NCAM1: variants seen among roughly 807,000 people sequenced by gnomAD.
NCAM1 encodes the protein antigen recognized by monoclonal antibody 5.1H11.
A neutral mutation model predicts 109.8 loss-of-function variants in NCAM1; 14 were observed. That is an observed-to-expected ratio of 0.13 (90% confidence interval 0.08 to 0.20). The LOEUF (loss-of-function observed/expected upper bound fraction) is 0.20, where lower values mean the gene tolerates loss of function less well. Ranked by LOEUF, NCAM1 falls within the 10% of genes least tolerant of loss-of-function variation. The pLI is 1.00. For missense variants in NCAM1, 774 were observed against 1,109.9 expected, an observed-to-expected ratio of 0.70 and a Z score of 4.30; for synonymous variants, 418 against 442.9, an observed-to-expected ratio of 0.94 and a Z score of 0.70.
chr11:113,023,659 T>G (rs1306653224), intron 1 of NCAM1, among the ~76,000 whole-genome samples: 1 of 152,226 alleles, frequency 6.6e-6, no homozygotes, highest in African/African-American at 2.4e-5. Flanking sequence ...TGTGTTTGTG[T>G]TTGTGTATCT....
intron 1 of NCAM1, among the ~76,000 whole-genome samples, chr11:113,175,264 A>G (rs1222372367): frequency 7.2e-5 from 11 of 152,244 alleles, no homozygotes; most frequent in African/African-American, 2.7e-4. Flanking sequence ...GAATGACAGC[A>G]CCACAATAAC....
intron 1 of NCAM1, among the ~76,000 whole-genome samples, chr11:113,013,204 A>T (rs1952115509): frequency 6.6e-6 from 1 of 151,936 alleles, no homozygotes; most frequent in African/African-American, 2.4e-5. Context: ...AGGCGGGTGG[A>T]TCACCTGAGG....
chr11:113,123,557 G>A (rs1222850329), intron 1 of NCAM1, among the ~76,000 whole-genome samples: 1 of 152,170 alleles, frequency 6.6e-6, no homozygotes, highest in Non-Finnish European at 1.5e-5. Context: ...GACCATGGCT[G>A]CCATCCTCTC....
intron 17 of NCAM1, among the ~76,000 whole-genome samples, chr11:113,261,580 G>A (rs1392875078): frequency 6.6e-6 from 1 of 152,144 alleles, no homozygotes; most frequent in African/African-American, 2.4e-5. Flanking sequence ...AAGGCTGCAG[G>A]AAATGTCCTC....
At chr11:113,001,140 C>T (rs539868433) in intron 1 of NCAM1, among the ~76,000 whole-genome samples, 16 of 152,176 alleles carry the variant, frequency 1.1e-4, no homozygotes, top group African/African-American at 2.9e-4. Context: ...TTTGGTATAG[C>T]AGGGTGATGA....
intron 1 of NCAM1, among the ~76,000 whole-genome samples, chr11:113,127,967 C>T (rs1044487863): frequency 2.0e-5 from 3 of 152,132 alleles, no homozygotes; most frequent in African/African-American, 7.2e-5. Context: ...TCACATGGGG[C>T]GTGGCTGAGT....
chr11:113,043,376 T>C (rs562515359), intron 1 of NCAM1, among the ~76,000 whole-genome samples: 1 of 152,310 alleles, frequency 6.6e-6, no homozygotes, highest in Non-Finnish European at 1.5e-5. Flanking sequence ...TCACTCTTGT[T>C]GCCCAGGCTG....
chr11:113,271,725 G>GC, intron 18 of NCAM1, 35 bp from the exon 19 acceptor site: 2 of 1,510,494 alleles, frequency 1.3e-6, no homozygotes, highest in Non-Finnish European at 1.8e-6. Flanking sequence ...CCCTGCAGCT[G>GC]CCCTAGGGTC....
intron 1 of NCAM1, among the ~76,000 whole-genome samples, chr11:113,191,218 C>T (rs1943664542): frequency 6.6e-6 from 1 of 152,064 alleles, no homozygotes; most frequent in African/African-American, 2.4e-5. Flanking sequence ...GAGGCTGGAC[C>T]CACTGGTGGT....
Position 113,233,181 on chromosome 11 carries a change from G to A in NCAM1, c.1557G>A (p.Glu519=), listed in dbSNP as rs1565517559. Residue 519 remains glutamate (E), a synonymous_variant, in exon 13 of 20, where the codon GAG becomes GAA. Transcript: ENST00000316851. This position sits in a 1 kb window ranked among gnomAD's most constrained non-coding sequence, Gnocchi z 4.5. The stretch of plus-strand genomic sequence containing the variant: ...CTTCACCATCCATCGACCAGGTGGA[G>A]CCATACTCCAGCACAGCCCAGGTGC... The part of the protein sequence containing the change: ...TPSSPSIDQV[E]PYSSTAQVQF... 1 of 1,613,738 alleles carries A rather than the reference G, an allele frequency of 6.2e-7. No homozygotes were observed. Among genetic ancestry groups the A allele is most frequent in the Non-Finnish European group, 8.5e-7 (1 of 1,179,890 alleles).
intron 1 of NCAM1, among the ~76,000 whole-genome samples, chr11:113,129,362 C>T (rs574516627): frequency 5.3e-5 from 8 of 152,122 alleles, no homozygotes; most frequent in African/African-American, 9.7e-5. Flanking sequence ...TCTGTGCATG[C>T]GGAGCTGGAG....
At chr11:113,021,106 G>T (rs1287212844) in intron 1 of NCAM1, among the ~76,000 whole-genome samples, 1 of 152,306 alleles carries the variant, frequency 6.6e-6, no homozygotes, top group Middle Eastern at 3.4e-3. Context: ...CTGCTAACTT[G>T]TAGGGTAAGA....
intron 1 of NCAM1, among the ~76,000 whole-genome samples, chr11:113,068,268 G>A (rs1938073302): frequency 6.6e-6 from 1 of 152,152 alleles, no homozygotes; most frequent in Non-Finnish European, 1.5e-5. Flanking sequence ...AGTACAACAA[G>A]AGGTTAAGAA....
At position 113,090,227 on chromosome 11, in the gene NCAM1, A is replaced by G. The variant is rs1033534510; in HGVS notation, c.53-112152A>G. 7.9e-5 allele frequency among the ~76,000 whole-genome samples: 12 copies of G among 152,118 alleles called. 1 individual carries two copies. Among genetic ancestry groups the G allele is most frequent in the African/African-American group, 2.9e-4 (12 of 41,422 alleles). On this transcript the variant is annotated intron_variant, in intron 1 of 19. Transcript: ENST00000316851. ...AGTTTGAAGTCTCTGACAGGAAAAA[A>G]CTGTTGGTTGTTTGTTTCAGGTAAC...
intron 1 of NCAM1, among the ~76,000 whole-genome samples, chr11:113,185,593 C>T (rs1283654181): frequency 6.6e-6 from 1 of 152,118 alleles, no homozygotes; most frequent in Non-Finnish European, 1.5e-5. Flanking sequence ...CAGGGACAAA[C>T]GTGAAAACAA....
At chr11:113,107,958 G>T (rs1405648006) in intron 1 of NCAM1, among the ~76,000 whole-genome samples, 3 of 152,106 alleles carry the variant, frequency 2.0e-5, no homozygotes, top group African/African-American at 7.2e-5. Flanking sequence ...TAACTCCTAG[G>T]TCAAGTTAGA....
chr11:113,163,425 T>A (rs1329383614), intron 1 of NCAM1, among the ~76,000 whole-genome samples: 2 of 152,238 alleles, frequency 1.3e-5, no homozygotes, highest in Non-Finnish European at 2.9e-5. Flanking sequence ...GTCACAGTTT[T>A]GACCTCTGTG....
intron 1 of NCAM1, among the ~76,000 whole-genome samples, chr11:113,181,603 C>T (rs1019614697): frequency 1.3e-5 from 2 of 152,222 alleles, no homozygotes; most frequent in South Asian, 2.1e-4. Flanking sequence ...TTGATCTGTG[C>T]AGCAAACCAC....
intron 1 of NCAM1, among the ~76,000 whole-genome samples, chr11:113,029,188 A>G (rs1952644252): frequency 6.6e-6 from 1 of 152,248 alleles, no homozygotes; most frequent in Non-Finnish European, 1.5e-5. Context: ...TTGGCAATCA[A>G]TAACTGTATG....
Sources: allele counts gnomAD v4.1 joint callset (sites outside exome capture counted in the v4.1 genomes callset), GRCh38; gene constraint gnomAD v4.1.1; non-coding constraint Gnocchi (gnomAD v3.1); transcripts MANE v1.5; gene names NCBI Gene and HGNC (gene_info 2026-07-23, HGNC 2026-07-21).